ATP6V0A4: variants seen among roughly 807,000 people sequenced by gnomAD.
The protein encoded by ATP6V0A4 is ATPase H+ transporting V0 subunit a4, also known as V-type proton ATPase 116 kDa subunit a 4.
A neutral mutation model predicts 107.3 loss-of-function variants in ATP6V0A4; 86 were observed. The ratio of observed to expected loss-of-function variants is 0.80; its 90% CI spans 0.67 to 0.96. The LOEUF (loss-of-function observed/expected upper bound fraction) is 0.96, where lower values mean the gene tolerates loss of function less well. ATP6V0A4 is among the 40% of genes least tolerant of loss of function. ATP6V0A4 has a pLI of 0.00. For synonymous variants in ATP6V0A4, 353 were observed against 381.4 expected (o/e 0.93, Z 0.87); for missense variants, 908 against 1,045.6 (o/e 0.87, Z 1.81).
At chr7:138,759,902 T>A in intron 7 of ATP6V0A4, 24 bp from the exon 8 acceptor site, 2 of 1,613,854 alleles carry the variant, frequency 1.2e-6, no homozygotes, top group Non-Finnish European at 1.7e-6. Flanking sequence ...AGGGAAGACA[T>A]TCCTTAAGGC....
At chr7:138,793,986 G>A (rs932481738) in intron 1 of ATP6V0A4, among the ~76,000 whole-genome samples, 1 of 152,118 alleles carries the variant, frequency 6.6e-6, no homozygotes, top group Non-Finnish European at 1.5e-5. Flanking sequence ...CTAACTCTAT[G>A]GCATGATCTT....
chr7:138,756,518 A>G lies in ATP6V0A4; in HGVS notation c.662T>C (p.Ile221Thr), dbSNP rs773563564. 6.3e-7 allele frequency: 1 copy of G among 1,584,740 alleles called. No homozygotes were observed. The highest frequency in any genetic ancestry group is 8.6e-7 in the Non-Finnish European group (1 of 1,162,414). ...PVTKEEIQKN[I>T]FIIFYQGEQL... Reference sequence around the variant, plus strand: ...CTCTCCTTGGTAAAATATGATGAATATGTTCTTCTGAATTTCTTCTTTCTG... The same window carrying G: ...CTCTCCTTGGTAAAATATGATGAATGTGTTCTTCTGAATTTCTTCTTTCTG... Residue 221 changes from isoleucine (I) to threonine (T), a missense_variant, in exon 9 of 22, where the codon ATA (isoleucine) becomes ACA (threonine). By Grantham distance (89) the Ile-to-Thr change is moderately conservative (BLOSUM62 -1). Transcript: ENST00000310018.
At chr7:138,757,333 T>C (rs943314266) in intron 8 of ATP6V0A4, among the ~76,000 whole-genome samples, 11 of 151,994 alleles carry the variant, frequency 7.2e-5, no homozygotes, top group Middle Eastern at 3.2e-3. Context: ...CTGGGCAACA[T>C]GGTAAAACCC....
At chr7:138,717,168 C>T (rs990631979) in intron 19 of ATP6V0A4, among the ~76,000 whole-genome samples, 3 of 152,120 alleles carry the variant, frequency 2.0e-5, no homozygotes, top group African/African-American at 7.2e-5. Context: ...CATGGGAGCT[C>T]AGGTGGAACT....
In ATP6V0A4 at chr7:138,771,203, C is replaced by T; in HGVS notation, c.45G>A (p.Leu15=). 6.2e-7 allele frequency: 1 copy of T among 1,614,180 alleles called. No individual in the cohort carries two copies. The stretch of plus-strand genomic sequence containing the variant: ...AATATGCAGCTTCCACCTGGAGAAA[C>T]AGTTGTGACAAACACATCTCCTCGC... The part of the protein sequence containing the change: ...FRSEEMCLSQ[L]FLQVEAAYCC... The change falls in exon 3 of 22, where the codon CTG becomes CTA. Residue 15 remains leucine (L), a synonymous_variant. Transcript: ENST00000310018.
In ATP6V0A4 at chr7:138,762,299, C is replaced by T. The variant is rs1209134821; in HGVS notation, c.512+41G>A. On this transcript the variant is annotated intron_variant, in intron 7 of 21. Transcript: ENST00000310018. ...CATTCACTCACTCAGAAATCACTCG[C>T]CAGGACCAGGGACCCATCTACACAC... The T allele has an allele frequency of 1.9e-6, 3 of 1,606,202 alleles. No homozygotes were observed. In the African/African-American group the frequency reaches 4.0e-5, roughly 22 times the overall value.
At chr7:138,767,506 G>C (rs759392021) in intron 5 of ATP6V0A4, among the ~76,000 whole-genome samples, 21 of 152,212 alleles carry the variant, frequency 1.4e-4, no homozygotes, top group Non-Finnish European at 2.5e-4. Context: ...CTGGGCAACA[G>C]AGCAAGACTC....
chr7:138,785,247 C>T (rs959153140), intron 2 of ATP6V0A4, among the ~76,000 whole-genome samples: 4 of 151,758 alleles, frequency 2.6e-5, no homozygotes, highest in Non-Finnish European at 5.9e-5. Context: ...TTATCATCCA[C>T]TCAAACTGAA....
At chr7:138,716,585 G>A (rs1055003020) in intron 19 of ATP6V0A4, among the ~76,000 whole-genome samples, 3 of 144,598 alleles carry the variant, frequency 2.1e-5, no homozygotes, top group Non-Finnish European at 4.5e-5. Flanking sequence ...TGGGGGGGGG[G>A]GAGGGTCTTG....
At chr7:138,716,580 G>C (rs1404309527) in intron 19 of ATP6V0A4, among the ~76,000 whole-genome samples, 1 of 137,860 alleles carries the variant, frequency 7.3e-6, no homozygotes, top group African/African-American at 2.6e-5. Context: ...TTTTTTGGGG[G>C]GGGGGGAGGG....
chr7:138,757,136 G>A (rs891940695), intron 8 of ATP6V0A4, among the ~76,000 whole-genome samples: 22 of 152,304 alleles, frequency 1.4e-4, no homozygotes, highest in African/African-American at 4.1e-4. Context: ...ACATGCAAAT[G>A]TTTAACTCTT....
intron 18 of ATP6V0A4, 58 bp from the exon 19 acceptor site, chr7:138,722,083 A>G: frequency 1.9e-6 from 3 of 1,603,050 alleles, no homozygotes; most frequent in Non-Finnish European, 2.6e-6. Context: ...ATTCTAACAC[A>G]TATAAATATA....
At position 138,711,574 on chromosome 7, in the gene ATP6V0A4, G is replaced by A. The variant is rs114296301; in HGVS notation, c.2258-1779C>T. 3.6e-3 allele frequency among the ~76,000 whole-genome samples: 544 copies of A among 152,298 alleles called. 9 individuals carry two copies. Among genetic ancestry groups the A allele is most frequent in the African/African-American group, 0.012 (489 of 41,568 alleles). On this transcript the variant is annotated intron_variant, in intron 20 of 21. Coordinates refer to ENST00000310018, the MANE Select transcript of ATP6V0A4 (RefSeq NM_020632.3). ...CATGATAAACGCAGAGACATGGAAC[G>A]CAAGGAAGAGGACCCCTATTTGCTT...
At chr7:138,784,271 T>C (rs1308808241) in intron 2 of ATP6V0A4, among the ~76,000 whole-genome samples, 2 of 32,682 alleles carry the variant, frequency 6.1e-5, no homozygotes, top group East Asian at 8.9e-4. Context: ...TATATACATA[T>C]ATATATATAC....
chr7:138,707,123 A>ATATATCATATATAT (rs1803418154), intron 21 of ATP6V0A4, among the ~76,000 whole-genome samples: 2 of 75,452 alleles, frequency 2.7e-5, no homozygotes, highest in Non-Finnish European at 4.7e-5. Context: ...ATTATATATA[A>ATATATCATATATAT]TATTATATAT....
At chr7:138,784,253 CATATATAT>C (rs59443230) in intron 2 of ATP6V0A4, among the ~76,000 whole-genome samples, 3 of 106,194 alleles carry the variant, frequency 2.8e-5, no homozygotes, top group African/African-American at 1.6e-4. Flanking sequence ...TATATATATA[CATATATAT>C]ATATACATAT....
chr7:138,750,684 G>A (rs1226343174), intron 11 of ATP6V0A4, among the ~76,000 whole-genome samples: 1 of 152,184 alleles, frequency 6.6e-6, no homozygotes. Flanking sequence ...CCCTTCACCT[G>A]CTCCCCGGCC....
intron 2 of ATP6V0A4, among the ~76,000 whole-genome samples, chr7:138,781,794 A>C (rs1807932350): frequency 6.7e-6 from 1 of 150,136 alleles, no homozygotes; most frequent in African/African-American, 2.4e-5. Flanking sequence ...CTTGTTCCTA[A>C]TCTTCTCAGC....
At chr7:138,712,559 G>A (rs1803799134) in intron 20 of ATP6V0A4, among the ~76,000 whole-genome samples, 1 of 152,180 alleles carries the variant, frequency 6.6e-6, no homozygotes, top group South Asian at 2.1e-4. Flanking sequence ...TCAACCAAAA[G>A]TGGTAGAAAA....
Sources: gnomAD v4.1 joint callset for allele counts (sites outside exome capture counted in the v4.1 genomes callset) on GRCh38, gnomAD v4.1.1 for gene constraint, MANE v1.5 for transcripts, NCBI Gene and HGNC (gene_info 2026-07-23, HGNC 2026-07-21) for gene names.